ELAPOR2: variants seen among roughly 807,000 people sequenced by gnomAD.
ELAPOR2 encodes the protein endosome/lysosome-associated apoptosis and autophagy regulator family member 2.
In ELAPOR2, 89 loss-of-function variants were observed where a neutral mutation model predicts 120.7. The observed-to-expected ratio is 0.74, with a 90% CI of 0.62 to 0.88. The LOEUF (loss-of-function observed/expected upper bound fraction) is 0.88. ELAPOR2 is among the 40% of genes least tolerant of loss of function. ELAPOR2 has a pLI of 0.00. For synonymous variants in ELAPOR2, 444 were observed against 444.9 expected (o/e 1.00, Z 0.03); for missense variants, 1,134 against 1,251.6 (o/e 0.91, Z 1.42).
intron 1 of ELAPOR2, among the ~76,000 whole-genome samples, chr7:86,989,262 T>C (rs1449496656): frequency 6.6e-6 from 1 of 152,194 alleles, no homozygotes; most frequent in Non-Finnish European, 1.5e-5. Context: ...CAAATCTCTG[T>C]TTAGCTATAA....
At chr7:86,961,867 T>C (rs1343198626) in intron 2 of ELAPOR2, among the ~76,000 whole-genome samples, 2 of 152,192 alleles carry the variant, frequency 1.3e-5, no homozygotes, top group Non-Finnish European at 2.9e-5. Context: ...CAATGTTCCC[T>C]GTGGCTGAGC....
At position 86,942,111 on chromosome 7, in the gene ELAPOR2, A is replaced by T; in HGVS notation, c.655-7T>A. On this transcript the variant is annotated splice_region_variant and splice_polypyrimidine_tract_variant and intron_variant, in intron 4 of 21. Coordinates refer to ENST00000450689, the MANE Select transcript of ELAPOR2 (RefSeq NM_001142749.3). ...GGCACTGATCATTTTGAATCTGTGG[A>T]TTAAACACAAGAGCCCTAGTAAAGT... 6.6e-7 allele frequency: 1 copy of T among 1,512,978 alleles called. No individual in the cohort carries two copies. The allele number at this position is 1,512,978 out of a possible 1,614,324, so 93.7% of individuals were successfully genotyped here. A position where few individuals can be genotyped will look rare whatever the true frequency, so the allele number is the denominator to read the frequency against.
At chr7:86,977,291 G>A (rs2116535290) in intron 1 of ELAPOR2, among the ~76,000 whole-genome samples, 1 of 152,318 alleles carries the variant, frequency 6.6e-6, no homozygotes, top group Admixed American at 6.5e-5. Context: ...TAGAATCTAA[G>A]TGCCTAACTC....
chr7:86,880,647 G>A, intron 21 of ELAPOR2, 117 bp from the exon 22 acceptor site: 1 of 672,518 alleles, frequency 1.5e-6, no homozygotes, highest in Non-Finnish European at 2.6e-6. Context: ...GTTGCCACTT[G>A]TGATTAGGAT....
intron 18 of ELAPOR2, among the ~76,000 whole-genome samples, chr7:86,900,634 ACTC>A (rs1788676117): frequency 6.6e-6 from 1 of 152,270 alleles, no homozygotes; most frequent in African/African-American, 2.4e-5. Context: ...GTTAAAAGAT[ACTC>A]TTAGCTTAAC....
chr7:86,931,092 T>G (rs1443368139), intron 8 of ELAPOR2, among the ~76,000 whole-genome samples: 1 of 151,968 alleles, frequency 6.6e-6, no homozygotes, highest in Admixed American at 6.6e-5. Context: ...GACCTAAGAC[T>G]AGCGATGACT....
chr7:87,055,804 C>G (rs1795245241), intron 1 of ELAPOR2, among the ~76,000 whole-genome samples: 1 of 152,170 alleles, frequency 6.6e-6, no homozygotes, highest in African/African-American at 2.4e-5. Context: ...AATTTCATAT[C>G]TGACATTTTG....
intron 1 of ELAPOR2, among the ~76,000 whole-genome samples, chr7:87,055,968 T>C (rs577369123): frequency 6.6e-6 from 1 of 152,318 alleles, no homozygotes; most frequent in East Asian, 1.9e-4. Flanking sequence ...CAAATGTAAA[T>C]AATACAGACA....
chr7:86,883,192 G>T (rs1199583505), intron 21 of ELAPOR2, among the ~76,000 whole-genome samples: 1 of 152,054 alleles, frequency 6.6e-6, no homozygotes, highest in Non-Finnish European at 1.5e-5. Context: ...ATAAATAAAA[G>T]AAACACATAA....
At chr7:86,989,747 CA>C (rs1401257659) in intron 1 of ELAPOR2, among the ~76,000 whole-genome samples, 2 of 151,920 alleles carry the variant, frequency 1.3e-5, no homozygotes, top group African/African-American at 4.8e-5. Flanking sequence ...TCTTAAGGAG[CA>C]GAAAATTAAC....
Position 86,880,149 on chromosome 7 carries a change from A to G in ELAPOR2, c.*322T>C, listed in dbSNP as rs1157410790. 1 of 278,062 alleles carries G rather than the reference A, an allele frequency of 3.6e-6. No homozygotes were observed. The highest frequency in any genetic ancestry group is 2.2e-5 in the African/African-American group (1 of 45,008). The allele number at this position is 278,062 out of a possible 1,614,324, so 17.2% of individuals were successfully genotyped here. ...ACATCATAAAGAATAAAAGTTACCC[A>G]TTAATTATATGGCATGCATCAGCAG... On this transcript the variant is annotated 3_prime_UTR_variant, in exon 22 of 22. Coordinates refer to ENST00000450689, the MANE Select transcript of ELAPOR2 (RefSeq NM_001142749.3).
At chr7:86,884,264 G>T (rs1031780223) in intron 21 of ELAPOR2, among the ~76,000 whole-genome samples, 4 of 152,088 alleles carry the variant, frequency 2.6e-5, no homozygotes, top group Non-Finnish European at 5.9e-5. Flanking sequence ...CTGGGAAATG[G>T]GTTAAAGAAT....
At chr7:86,989,606 G>C (rs1040433821) in intron 1 of ELAPOR2, among the ~76,000 whole-genome samples, 2 of 152,072 alleles carry the variant, frequency 1.3e-5, no homozygotes, top group Non-Finnish European at 2.9e-5. Context: ...TTTGATTTTC[G>C]TTTTTAGCCC....
At chr7:86,957,731 G>A (rs926409930) in intron 2 of ELAPOR2, among the ~76,000 whole-genome samples, 2 of 152,132 alleles carry the variant, frequency 1.3e-5, no homozygotes, top group Admixed American at 1.3e-4. Flanking sequence ...CAGGTATGAT[G>A]TTAGGTACGA....
In ELAPOR2 at chr7:86,964,835, C is replaced by T. The variant is rs970536620; in HGVS notation, c.310+69G>A. 18 of 1,497,082 alleles carry T rather than the reference C, an allele frequency of 1.2e-5. No individual in the cohort carries two copies. The East Asian group carries it at 3.7e-4, about 31-fold the overall frequency. The allele number at this position is 1,497,082 out of a possible 1,614,324, so 92.7% of individuals were successfully genotyped here. ...GGTCTCCTACATTCATTATAATTAA[C>T]ATCTAGGGCTAATATGAAGAGGTAA... On this transcript the variant is annotated intron_variant, in intron 2 of 21. Transcript: ENST00000450689.
rs1470681794 is a variant in ELAPOR2 at position 86,877,039 on chromosome 7, A to C, written c.*3432T>G. ...AGAGCCCACATGCCCTGCAAAGCCA[A>C]AACTATGTACTATCTGACCCTTTAC... is the stretch of plus-strand genomic sequence containing the variant. On this transcript the variant is annotated 3_prime_UTR_variant, in exon 22 of 22. Transcript: ENST00000450689. The C allele has an allele frequency of 6.6e-6, 1 of 152,182 alleles. No homozygotes were observed. The highest frequency in any genetic ancestry group is 1.9e-4 in the East Asian group (1 of 5,194). The allele number at this position is 152,182 out of a possible 1,614,324, so 9.4% of individuals were successfully genotyped here.
At chr7:86,970,523 G>A (rs1404577870) in intron 1 of ELAPOR2, among the ~76,000 whole-genome samples, 1 of 152,014 alleles carries the variant, frequency 6.6e-6, no homozygotes, top group Non-Finnish European at 1.5e-5. Flanking sequence ...AATGGCAAGA[G>A]GAAAAAAGGG....
chr7:87,033,741 A>G (rs912983972), intron 1 of ELAPOR2, among the ~76,000 whole-genome samples: 15 of 152,254 alleles, frequency 9.9e-5, no homozygotes, highest in African/African-American at 3.6e-4. Context: ...AAGTGCCACC[A>G]TATAAAACTA....
chr7:87,026,531 A>G (rs566148706), intron 1 of ELAPOR2, among the ~76,000 whole-genome samples: 2 of 152,118 alleles, frequency 1.3e-5, no homozygotes, highest in Admixed American at 1.3e-4. Context: ...TCCCAGTTAG[A>G]AAGTAATTTG....
Sources: allele counts gnomAD v4.1 joint callset (sites outside exome capture counted in the v4.1 genomes callset), GRCh38; gene constraint gnomAD v4.1.1; transcripts MANE v1.5; gene names NCBI Gene and HGNC (gene_info 2026-07-23, HGNC 2026-07-21).